The following FAM110B variants were observed in gnomAD, a reference collection of about 807,000 sequenced individuals.
FAM110B encodes protein FAM110B.
In FAM110B, 6 loss-of-function variants were observed where a neutral mutation model predicts 20.4. The ratio of observed to expected loss-of-function variants is 0.29; its 90% confidence interval spans 0.16 to 0.58. FAM110B has a LOEUF of 0.58. FAM110B is among the 20% of genes least tolerant of loss of function. The probability of loss-of-function intolerance (pLI) is 0.90; values close to 1 mark genes in which losing one functional copy is unlikely to be tolerated. For synonymous variants in FAM110B, 226 were observed against 214.1 expected (o/e 1.06, Z -0.49); for missense variants, 434 against 498.2 (o/e 0.87, Z 1.23).
intron 3 of FAM110B, among the ~76,000 whole-genome samples, chr8:58,116,050 A>G (rs1031848291): frequency 6.6e-5 from 10 of 152,030 alleles, no homozygotes; most frequent in Non-Finnish European, 1.3e-4. Flanking sequence ...AACACAAAAC[A>G]GATCAAGACT....
At chr8:58,121,922 C>G (rs1024967555) in intron 3 of FAM110B, among the ~76,000 whole-genome samples, 1 of 152,200 alleles carries the variant, frequency 6.6e-6, no homozygotes, top group Admixed American at 6.5e-5. Flanking sequence ...CTTTGGCTGC[C>G]CTTCTGGATG....
intron 2 of FAM110B, among the ~76,000 whole-genome samples, chr8:58,048,172 T>G (rs1162216450): frequency 2.0e-5 from 3 of 152,224 alleles, no homozygotes; most frequent in East Asian, 1.9e-4. Flanking sequence ...TTTCTCTAAC[T>G]TAGGCTCTTT....
intron 3 of FAM110B, among the ~76,000 whole-genome samples, chr8:58,103,875 CTCTAA>C (rs1467572956): frequency 6.6e-6 from 1 of 152,186 alleles, no homozygotes; most frequent in Non-Finnish European, 1.5e-5. Flanking sequence ...GTTGATTACA[CTCTAA>C]TCTAATTGTC....
intron 3 of FAM110B, among the ~76,000 whole-genome samples, chr8:58,090,545 G>A (rs928221820): frequency 2.6e-5 from 4 of 152,192 alleles, no homozygotes; most frequent in Non-Finnish European, 4.4e-5. Context: ...CACAAAATTT[G>A]TGTTGTTATC....
intron 2 of FAM110B, among the ~76,000 whole-genome samples, chr8:58,071,780 T>C (rs773822228): frequency 2.6e-5 from 4 of 152,236 alleles, no homozygotes; most frequent in Non-Finnish European, 5.9e-5. Flanking sequence ...TAGTTGTTGC[T>C]TGTAATACAG....
chr8:58,113,349 A>G, intron 3 of FAM110B: 4 of 218,868 alleles, frequency 1.8e-5, no homozygotes, highest in Non-Finnish European at 3.9e-5. Context: ...CAGTTGTGCC[A>G]TTAGCCTTTT....
chr8:58,146,147 G>T lies in FAM110B; in HGVS notation c.-84G>T. The T allele has an allele frequency of 6.8e-7, 1 of 1,475,832 alleles. No homozygotes were observed. Among genetic ancestry groups the T allele is most frequent in the African/African-American group, 1.4e-5 (1 of 71,022 alleles). 91.4% of individuals were successfully genotyped at this position (1,475,832 alleles called of 1,614,324 possible). On this transcript the variant is annotated 5_prime_UTR_variant, in exon 4 of 4. Transcript: ENST00000519262. ...CCAGGCTGCACCCGCCGCCCTTGGC[G>T]CTTCATGTACATGTGTCTATTCAGG...
chr8:58,054,355 T>A (rs1180046424), intron 2 of FAM110B, among the ~76,000 whole-genome samples: 1 of 152,160 alleles, frequency 6.6e-6, no homozygotes, highest in African/African-American at 2.4e-5. Flanking sequence ...GGTAGCCTCC[T>A]TCCAGAGGGC....
At chr8:58,063,117 TAGGC>T (rs556044777) in intron 2 of FAM110B, among the ~76,000 whole-genome samples, 6 of 152,292 alleles carry the variant, frequency 3.9e-5, no homozygotes, top group Admixed American at 1.3e-4. Context: ...CTGCACCATG[TAGGC>T]AGGCAGTAGG....
intron 3 of FAM110B, among the ~76,000 whole-genome samples, chr8:58,110,234 G>A (rs1485444841): frequency 3.2e-4 from 48 of 152,150 alleles, no homozygotes; most frequent in Admixed American, 3.1e-3. Flanking sequence ...TTGTTGGGGA[G>A]GGTGGGGGAT....
chr8:58,136,522 G>T (rs901680661), intron 3 of FAM110B, among the ~76,000 whole-genome samples: 1 of 152,124 alleles, frequency 6.6e-6, no homozygotes, highest in Non-Finnish European at 1.5e-5. Flanking sequence ...CATTCTTATT[G>T]TATTTGCGTA....
intron 1 of FAM110B, among the ~76,000 whole-genome samples, chr8:57,996,401 G>T (rs1427237345): frequency 6.6e-6 from 1 of 151,928 alleles, no homozygotes; most frequent in Non-Finnish European, 1.5e-5. Context: ...TTAAAATTCT[G>T]ATCTGTTAGG....
At chr8:58,059,736 T>G (rs1232556627) in intron 2 of FAM110B, among the ~76,000 whole-genome samples, 3 of 152,038 alleles carry the variant, frequency 2.0e-5, no homozygotes, top group Non-Finnish European at 4.4e-5. Flanking sequence ...TGAGCAGACA[T>G]TTTAATTTTT....
chr8:57,999,457 T>C (rs1804250731), intron 1 of FAM110B, among the ~76,000 whole-genome samples: 1 of 152,234 alleles, frequency 6.6e-6, no homozygotes, highest in African/African-American at 2.4e-5. Flanking sequence ...ATTTCATCTT[T>C]TTAATTTTAT....
intron 1 of FAM110B, among the ~76,000 whole-genome samples, chr8:58,019,336 C>CAAAAAAAAAAAAAAAAAAAAAAGAA (rs1804698552): frequency 1.3e-5 from 1 of 78,374 alleles, no homozygotes; most frequent in Admixed American, 2.0e-4. Context: ...GACTCTGTCT[C>CAAAAAAAAAAAAAAAAAAAAAAGAA]AAAAAAAAAA....
At chr8:58,112,846 G>A (rs1178380757) in intron 3 of FAM110B, among the ~76,000 whole-genome samples, 1 of 152,196 alleles carries the variant, frequency 6.6e-6, no homozygotes, top group African/African-American at 2.4e-5. Flanking sequence ...AGGACTTAAG[G>A]ACTAAGGACT....
chr8:58,005,300 A>G (rs1377619242), intron 1 of FAM110B, among the ~76,000 whole-genome samples: 1 of 152,188 alleles, frequency 6.6e-6, no homozygotes, highest in Non-Finnish European at 1.5e-5. Flanking sequence ...TTTATTGGTT[A>G]TGTTTGCTAT....
intron 2 of FAM110B, among the ~76,000 whole-genome samples, chr8:58,032,891 C>T (rs994205705): frequency 6.6e-6 from 1 of 152,014 alleles, no homozygotes; most frequent in South Asian, 2.1e-4. Context: ...CTTGAGACAT[C>T]GATTTCATTT....
intron 1 of FAM110B, among the ~76,000 whole-genome samples, chr8:58,014,901 T>C (rs1333243468): frequency 6.6e-6 from 1 of 152,188 alleles, no homozygotes; most frequent in Non-Finnish European, 1.5e-5. Context: ...TATTAGAAAT[T>C]TTTACTAACA....
Sources: gnomAD v4.1 joint callset for allele counts (sites outside exome capture counted in the v4.1 genomes callset) on GRCh38, gnomAD v4.1.1 for gene constraint, MANE v1.5 for transcripts, NCBI Gene and HGNC (gene_info 2026-07-23, HGNC 2026-07-21) for gene names.